The following CACNA2D1 variants were observed in gnomAD, a reference collection of about 807,000 sequenced individuals.
The protein encoded by CACNA2D1 is calcium voltage-gated channel auxiliary subunit alpha2delta 1.
In CACNA2D1, 53 loss-of-function variants were observed where a neutral mutation model predicts 171.5. The ratio of observed to expected loss-of-function variants is 0.31; its 90% CI spans 0.25 to 0.39. The LOEUF (loss-of-function observed/expected upper bound fraction) is 0.39. CACNA2D1 is among the 10% of genes least tolerant of loss of function. The probability of loss-of-function intolerance (pLI) is 1.00; values close to 1 mark genes in which losing one functional copy is unlikely to be tolerated. For synonymous variants in CACNA2D1, 442 were observed against 443.1 expected (o/e 1.00, Z 0.03); for missense variants, 903 against 1,299.8 (o/e 0.69, Z 4.69).
intron 2 of CACNA2D1, among the ~76,000 whole-genome samples, chr7:82,342,062 A>C (rs1244625459): frequency 6.6e-6 from 1 of 151,052 alleles, no homozygotes; most frequent in African/African-American, 2.4e-5. Context: ...TCAAAAAAAA[A>C]AAAAAAAAAA....
At chr7:82,289,424 T>C (rs1811247588) in intron 3 of CACNA2D1, among the ~76,000 whole-genome samples, 1 of 152,186 alleles carries the variant, frequency 6.6e-6, no homozygotes, top group African/African-American at 2.4e-5. Context: ...CTGAAATTGT[T>C]TGTGGACGTA....
chr7:82,014,899 C>CA (rs374926826), intron 12 of CACNA2D1, among the ~76,000 whole-genome samples: 23 of 151,996 alleles, frequency 1.5e-4, no homozygotes, highest in African/African-American at 5.1e-4. Flanking sequence ...ACTAAAAATA[C>CA]AAAAAATTAG....
chr7:82,175,953 A>T (rs7803154), intron 3 of CACNA2D1, among the ~76,000 whole-genome samples: 6,258 of 151,992 alleles, frequency 0.041, 416 homozygotes, highest in African/African-American at 0.14. Flanking sequence ...ATCTTAGTAG[A>T]CCTTAAGTTT....
Position 82,232,861 on chromosome 7 carries a change from C to CAAAAAA in CACNA2D1, c.295-62258_295-62253dup, listed in dbSNP as rs71093370. 3.8e-4 allele frequency among the ~76,000 whole-genome samples: 20 copies of CAAAAAA among 52,450 alleles called. 1 individual carries two copies. Among genetic ancestry groups the CAAAAAA allele is most frequent in the African/African-American group, 8.6e-4 (13 of 15,200 alleles). 34.4% of individuals were successfully genotyped at this position (52,450 alleles called of 152,430 possible). On this transcript the variant is annotated intron_variant, in intron 3 of 38. Transcript: ENST00000356860. ...CCTGGGCAACAGAGCGAGATGTCTC[C>CAAAAAA]AAAAAAAAAAAAAAAAAAAAAAAAA...
chr7:82,429,856 G>C (rs1033671717), intron 1 of CACNA2D1, among the ~76,000 whole-genome samples: 1 of 151,848 alleles, frequency 6.6e-6, no homozygotes, highest in African/African-American at 2.4e-5. Context: ...CACTTATATC[G>C]ACAGGAAAAT....
intron 4 of CACNA2D1, among the ~76,000 whole-genome samples, chr7:82,154,928 C>T (rs967481927): frequency 1.4e-4 from 21 of 152,124 alleles, no homozygotes; most frequent in African/African-American, 4.3e-4. Context: ...GGAGATGGGG[C>T]CTGGTGAGAG....
chr7:82,218,832 A>G (rs1172326675), intron 3 of CACNA2D1, among the ~76,000 whole-genome samples: 1 of 152,110 alleles, frequency 6.6e-6, no homozygotes, highest in African/African-American at 2.4e-5. Context: ...ACACTGATCT[A>G]TCTACTCATG....
intron 5 of CACNA2D1, among the ~76,000 whole-genome samples, chr7:82,129,100 T>C (rs1240813754): frequency 6.6e-6 from 1 of 152,172 alleles, no homozygotes; most frequent in African/African-American, 2.4e-5. Flanking sequence ...CAGCCACTTG[T>C]TTTCAAATTC....
chr7:82,088,905 G>T (rs748778209), intron 6 of CACNA2D1, among the ~76,000 whole-genome samples: 1 of 151,900 alleles, frequency 6.6e-6, no homozygotes, highest in African/African-American at 2.4e-5. Context: ...GGCATTACTA[G>T]ATATCTCATA....
chr7:82,368,328 T>C (rs894227428), intron 1 of CACNA2D1, among the ~76,000 whole-genome samples: 5 of 152,238 alleles, frequency 3.3e-5, no homozygotes, highest in Admixed American at 1.3e-4. Flanking sequence ...TGTGGAAATA[T>C]GCAGAGGGTA....
At chr7:82,131,221 A>G (rs1790941470) in intron 5 of CACNA2D1, among the ~76,000 whole-genome samples, 1 of 152,206 alleles carries the variant, frequency 6.6e-6, no homozygotes, top group South Asian at 2.1e-4. Context: ...ATATTCTTGT[A>G]ACTAATAACT....
chr7:82,235,968 G>A (rs1038641848), intron 3 of CACNA2D1, among the ~76,000 whole-genome samples: 7 of 151,896 alleles, frequency 4.6e-5, no homozygotes, highest in Non-Finnish European at 1.0e-4. Flanking sequence ...CTCTATATGC[G>A]GATGACTATG....
chr7:82,271,202 T>C (rs903106033), intron 3 of CACNA2D1, among the ~76,000 whole-genome samples: 1 of 152,086 alleles, frequency 6.6e-6, no homozygotes, highest in South Asian at 2.1e-4. Context: ...CAATAGAGTC[T>C]ACCATCACCT....
intron 10 of CACNA2D1, among the ~76,000 whole-genome samples, chr7:82,052,756 T>C (rs1359439214): frequency 6.6e-6 from 1 of 152,216 alleles, no homozygotes; most frequent in African/African-American, 2.4e-5. Context: ...CCTGAAGATT[T>C]AGCCTCATAA....
intron 5 of CACNA2D1, 136 bp from the exon 6 acceptor site, chr7:82,117,309 T>C (rs1789178622): frequency 5.0e-6 from 4 of 802,640 alleles, no homozygotes; most frequent in Admixed American, 4.4e-5. Context: ...AGTACCTTGA[T>C]AGCATTGGAT....
intron 3 of CACNA2D1, among the ~76,000 whole-genome samples, chr7:82,214,485 A>G (rs573588883): frequency 1.3e-5 from 2 of 151,844 alleles, no homozygotes; most frequent in South Asian, 4.2e-4. Context: ...ATCAACTGTT[A>G]AAAATCCCAG....
At chr7:82,153,855 AC>A (rs952380867) in intron 4 of CACNA2D1, among the ~76,000 whole-genome samples, 1 of 151,974 alleles carries the variant, frequency 6.6e-6, no homozygotes, top group Non-Finnish European at 1.5e-5. Context: ...TAAAAAAAAA[AC>A]ACCCATTGAA....
At chr7:82,354,758 A>C (rs1307777805) in intron 1 of CACNA2D1, among the ~76,000 whole-genome samples, 2 of 152,156 alleles carry the variant, frequency 1.3e-5, no homozygotes, top group African/African-American at 4.8e-5. Context: ...AATTCTTACT[A>C]GTACTAGTCT....
intron 3 of CACNA2D1, among the ~76,000 whole-genome samples, chr7:82,190,879 C>T (rs764949907): frequency 6.6e-5 from 10 of 151,412 alleles, no homozygotes; most frequent in African/African-American, 9.7e-5. Context: ...CAACAGGAGC[C>T]ATCAAAAAAC....
Sources: gnomAD v4.1 joint callset for allele counts (sites outside exome capture counted in the v4.1 genomes callset) on GRCh38, gnomAD v4.1.1 for gene constraint, MANE v1.5 for transcripts, NCBI Gene and HGNC (gene_info 2026-07-23, HGNC 2026-07-21) for gene names.